Variants in HADHB observed in about 807,000 individuals in gnomAD.
The protein encoded by HADHB is hydroxyacyl-CoA dehydrogenase trifunctional multienzyme complex subunit beta, also known as trifunctional enzyme subunit beta, mitochondrial.
Under a neutral mutation model 61.9 loss-of-function variants are expected in HADHB, and 50 were observed. The observed-to-expected ratio is 0.81, with a 90% CI of 0.64 to 1.02. The LOEUF (loss-of-function observed/expected upper bound fraction) is 1.02. Ranked by LOEUF, HADHB falls within the 50% of genes least tolerant of loss-of-function variation. The probability of loss-of-function intolerance (pLI) is 0.00; values close to 1 mark genes in which losing one functional copy is unlikely to be tolerated. For missense variants in HADHB, 504 were observed against 586.5 expected, an observed-to-expected ratio of 0.86 and a Z score of 1.45; for synonymous variants, 191 against 201.6, an observed-to-expected ratio of 0.95 and a Z score of 0.45.
chr2:26,262,914 C>CT (rs1020508355), intron 3 of HADHB, among the ~76,000 whole-genome samples: 9 of 151,768 alleles, frequency 5.9e-5, no homozygotes, highest in South Asian at 2.1e-4. Flanking sequence ...ATTTCTTAGC[C>CT]TTTTTTTAAA....
chr2:26,257,882 G>A (rs961977721), intron 3 of HADHB, among the ~76,000 whole-genome samples: 1 of 152,048 alleles, frequency 6.6e-6, no homozygotes, highest in Non-Finnish European at 1.5e-5. Flanking sequence ...AGCCGGGCGT[G>A]GTGGCGGGCG....
intron 5 of HADHB, among the ~76,000 whole-genome samples, chr2:26,273,339 C>T (rs1387967263): frequency 6.6e-6 from 1 of 151,918 alleles, no homozygotes; most frequent in Non-Finnish European, 1.5e-5. Flanking sequence ...TCACTGCAAA[C>T]TTTGGTTTCT....
At chr2:26,289,303 T>C (rs1212066445) in intron 15 of HADHB, among the ~76,000 whole-genome samples, 3 of 152,132 alleles carry the variant, frequency 2.0e-5, no homozygotes, top group Non-Finnish European at 4.4e-5. Flanking sequence ...CTTCCCTTTG[T>C]GGTCCCTCAG....
In HADHB at chr2:26,273,707, G is replaced by A; in HGVS notation, c.311G>A (p.Gly104Asp). The A allele has an allele frequency of 3.7e-6, 6 of 1,609,510 alleles. No homozygotes were observed. The highest frequency in any genetic ancestry group is 5.1e-6 in the Non-Finnish European group (6 of 1,175,960). ...PKEVVDYIIFGTVIQEVKTSN... is the reference protein window; with the variant it reads ...PKEVVDYIIFDTVIQEVKTSN... ...GAAGTAGTTGATTATATCATCTTTG[G>A]TACAGTTATTCAGGAAGTGAAAACA... The change falls in exon 6 of 16, where the codon GGT becomes GAT. Residue 104 changes from glycine to aspartate, a missense_variant. Coordinates refer to ENST00000317799, the MANE Select transcript of HADHB (RefSeq NM_000183.3).
chr2:26,251,737 A>G (rs551362723), intron 1 of HADHB, among the ~76,000 whole-genome samples: 42 of 152,162 alleles, frequency 2.8e-4, no homozygotes, highest in Non-Finnish European at 5.3e-4. Flanking sequence ...TCTCTTTCCA[A>G]TCCACATGTT....
At chr2:26,285,848 G>A (rs1374035920) in intron 15 of HADHB, among the ~76,000 whole-genome samples, 3 of 145,520 alleles carry the variant, frequency 2.1e-5, no homozygotes, top group East Asian at 2.0e-4. Context: ...GGTGATTCTC[G>A]TGCCTCAGCC....
Position 26,285,486 on chromosome 2 carries a change from GCAGGTTGGTCATGGCTGCTGCCAA to G in HADHB, c.1308_1331del (p.Val438_Leu445del). Reference sequence around the variant, plus strand: ...GGACACCCATTTGGAGCCACTGGCTGCAGGTTGGTCATGGCTGCTGCCAACAGATTACGGAAAGAAGGAGGCCAG... The same window carrying G: ...GGACACCCATTTGGAGCCACTGGCTGCAGATTACGGAAAGAAGGAGGCCAG... On this transcript the variant is annotated inframe_deletion, in exon 15 of 16. Transcript: ENST00000317799. 6.2e-6 allele frequency: 10 copies of G among 1,613,306 alleles called. No homozygotes were observed. Among genetic ancestry groups the G allele is most frequent in the Non-Finnish European group, 7.6e-6 (9 of 1,179,282 alleles).
intron 7 of HADHB, among the ~76,000 whole-genome samples, chr2:26,278,409 A>G (rs1672644874): frequency 6.6e-6 from 1 of 152,254 alleles, no homozygotes; most frequent in Non-Finnish European, 1.5e-5. Context: ...GGCAGGAATG[A>G]AACTTGTTTT....
intron 3 of HADHB, among the ~76,000 whole-genome samples, chr2:26,255,458 C>A (rs1037459170): frequency 1.3e-5 from 2 of 149,938 alleles, no homozygotes; most frequent in African/African-American, 4.9e-5. Context: ...GAGGTCACAC[C>A]ACTGCACTCC....
At chr2:26,259,269 T>C (rs886507330) in intron 3 of HADHB, among the ~76,000 whole-genome samples, 1 of 152,164 alleles carries the variant, frequency 6.6e-6, no homozygotes, top group Non-Finnish European at 1.5e-5. Context: ...GTATGCAGTG[T>C]AAGAGCAGCT....
chr2:26,256,549 A>G (rs1399750971), intron 3 of HADHB, among the ~76,000 whole-genome samples: 3 of 151,552 alleles, frequency 2.0e-5, no homozygotes, highest in East Asian at 1.9e-4. Flanking sequence ...ATATATATAC[A>G]CACACACGTG....
At chr2:26,263,741 G>A (rs1461486792) in intron 4 of HADHB, among the ~76,000 whole-genome samples, 1 of 152,216 alleles carries the variant, frequency 6.6e-6, no homozygotes, top group Non-Finnish European at 1.5e-5. Context: ...CAGATAGCTT[G>A]CTTCCAACAG....
chr2:26,258,860 T>A (rs986480729), intron 3 of HADHB, among the ~76,000 whole-genome samples: 2 of 151,772 alleles, frequency 1.3e-5, no homozygotes, highest in African/African-American at 4.9e-5. Flanking sequence ...CTAATTGATA[T>A]TTTAGTGAGC....
At chr2:26,277,308 G>A in intron 7 of HADHB, 148 bp downstream of exon 7, 1 of 571,326 alleles carries the variant, frequency 1.8e-6, no homozygotes. Flanking sequence ...TACCATCATA[G>A]CTCACTGCAG....
Position 26,282,857 on chromosome 2 carries a change from T to C in HADHB, c.946T>C (p.Ser316Pro). 6.2e-7 allele frequency: 1 copy of C among 1,611,476 alleles called. No individual in the cohort carries two copies. The highest frequency in any genetic ancestry group is 1.3e-5 in the African/African-American group (1 of 74,994). ...ANSSFLTDGASAMLIMAEEKA... is the reference protein window; with the variant it reads ...ANSSFLTDGAPAMLIMAEEKA... ...GTTAACATTTCAGACTGATGGTGCA[T>C]CTGCAATGTTAATCATGGCGGAGGA... Residue 316 changes from serine (S) to proline (P), a missense_variant, in exon 11 of 16, where the codon TCT becomes CCT. Coordinates refer to ENST00000317799, the MANE Select transcript of HADHB (RefSeq NM_000183.3).
intron 1 of HADHB, among the ~76,000 whole-genome samples, chr2:26,246,790 G>A (rs1248430801): frequency 2.0e-5 from 3 of 151,962 alleles, no homozygotes; most frequent in African/African-American, 7.3e-5. Flanking sequence ...GGGCAGAAAT[G>A]TTATAATGTT....
chr2:26,246,687 G>T (rs1168993939), intron 1 of HADHB, among the ~76,000 whole-genome samples: 3 of 152,116 alleles, frequency 2.0e-5, no homozygotes, highest in Non-Finnish European at 2.9e-5. Context: ...CTAGAGGCCC[G>T]TGTGTTGTAG....
chr2:26,286,813 G>GTTTTT (rs1201781156), intron 15 of HADHB, among the ~76,000 whole-genome samples: 6 of 103,536 alleles, frequency 5.8e-5, no homozygotes, highest in Non-Finnish European at 1.2e-4. Context: ...GCCTGTTTTT[G>GTTTTT]TTTTTTTTTT....
chr2:26,278,592 A>G, intron 7 of HADHB, 22 bp from the exon 8 acceptor site: 1 of 1,592,628 alleles, frequency 6.3e-7, no homozygotes, highest in East Asian at 2.2e-5. Context: ...GATATTCATG[A>G]AGTATAACCT....
Sources: allele counts gnomAD v4.1 joint callset (sites outside exome capture counted in the v4.1 genomes callset), GRCh38; gene constraint gnomAD v4.1.1; transcripts MANE v1.5; gene names NCBI Gene and HGNC (gene_info 2026-07-23, HGNC 2026-07-21).